Variants in AQR observed in about 807,000 individuals in gnomAD.
AQR encodes aquarius intron-binding spliceosomal factor.
Under a neutral mutation model 180.5 loss-of-function variants are expected in AQR, and 61 were observed. The ratio of observed to expected loss-of-function variants is 0.34; its 90% CI spans 0.28 to 0.42. The LOEUF is 0.42. AQR is among the 10% of genes least tolerant of loss of function. The probability of loss-of-function intolerance (pLI) is 1.00; values close to 1 mark genes in which losing one functional copy is unlikely to be tolerated. For synonymous variants in AQR, 551 were observed against 588.8 expected, an observed-to-expected ratio of 0.94 and a Z score of 0.93; for missense variants, 1,281 against 1,798.3, an observed-to-expected ratio of 0.71 and a Z score of 5.20.
rs762940184 is a variant in AQR, at chr15:34,932,390, A to G, written c.828T>C (p.Asp276=). 4 of 1,612,262 alleles carry G rather than the reference A, an allele frequency of 2.5e-6. No homozygotes were observed. In the Admixed American group the frequency reaches 6.7e-5, roughly 27 times the overall value. The change falls in exon 11 of 35, where the codon GAT becomes GAC. Residue 276 remains aspartate, a synonymous_variant. Coordinates refer to ENST00000156471, the MANE Select transcript of AQR (RefSeq NM_014691.3). ...TRRWFNTILD[D]SHLLVHCYLS... Reference sequence around the variant, plus strand: ...GGTAACAGTGAACCAGAAGGTGGGAATCATCCAGGATGGTATTAAACCAGC... The same window carrying G: ...GGTAACAGTGAACCAGAAGGTGGGAGTCATCCAGGATGGTATTAAACCAGC...
chr15:34,944,542 G>A (rs1894081109), intron 5 of AQR, 114 bp from the exon 6 acceptor site: 2 of 1,065,856 alleles, frequency 1.9e-6, no homozygotes, highest in South Asian at 4.0e-5. Flanking sequence ...TTACAAAAGG[G>A]TTATTTGTAT....
At position 34,886,616 on chromosome 15, in the gene AQR, T is replaced by C. The variant is rs1344516756; in HGVS notation, c.2727A>G (p.Leu909=). The change falls in exon 25 of 35, where the codon TTA becomes TTG. Residue 909 remains leucine, a synonymous_variant. Coordinates refer to ENST00000156471, the MANE Select transcript of AQR (RefSeq NM_014691.3). ...NYVLARRIEL[L]EEVKRLQKSL... ...TCTTTTGCAATCGTTTGACTTCTTC[T>C]AAAAGTTCTATTCTTCGAGCCAGAA... 4 of 1,613,900 alleles carry C rather than the reference T, an allele frequency of 2.5e-6. No individual in the cohort carries two copies. The highest frequency in any genetic ancestry group is 3.4e-6 in the Non-Finnish European group (4 of 1,179,990).
intron 13 of AQR, among the ~76,000 whole-genome samples, chr15:34,926,291 G>A (rs1450981408): frequency 2.0e-5 from 3 of 152,188 alleles, no homozygotes; most frequent in Non-Finnish European, 4.4e-5. Flanking sequence ...ATCCTCATAT[G>A]AGAATGAACA....
intron 32 of AQR, chr15:34,863,290 TA>T: frequency 2.9e-6 from 1 of 347,234 alleles, no homozygotes; most frequent in Non-Finnish European, 5.3e-6. Context: ...ATGCACTTAT[TA>T]AAAAGGTCTA....
intron 3 of AQR, among the ~76,000 whole-genome samples, chr15:34,956,050 A>C (rs1894310316): frequency 6.6e-6 from 1 of 152,172 alleles, no homozygotes; most frequent in East Asian, 1.9e-4. Context: ...AAAAAGAAAC[A>C]AGCAGAGAGC....
chr15:34,907,684 T>C (rs1392156407), intron 17 of AQR, among the ~76,000 whole-genome samples: 1 of 152,184 alleles, frequency 6.6e-6, no homozygotes, highest in East Asian at 1.9e-4. Context: ...TCCCAATAAA[T>C]TCTATGCAAA....
chr15:34,858,320 CAAAAAAAAA>C (rs57627687), intron 34 of AQR, among the ~76,000 whole-genome samples: 62 of 86,072 alleles, frequency 7.2e-4, no homozygotes, highest in African/African-American at 2.5e-3. Context: ...ACGACAGCAG[CAAAAAAAAA>C]AAAAAAAAAA....
At chr15:34,917,323 C>T (rs997688940) in intron 15 of AQR, among the ~76,000 whole-genome samples, 2 of 152,172 alleles carry the variant, frequency 1.3e-5, no homozygotes, top group Non-Finnish European at 2.9e-5. Context: ...ATTTCTTCTA[C>T]TAATGATGCC....
intron 15 of AQR, among the ~76,000 whole-genome samples, chr15:34,915,924 C>A (rs1209625283): frequency 6.7e-6 from 1 of 149,178 alleles, no homozygotes; most frequent in South Asian, 2.1e-4. Context: ...CCAGCCTGGG[C>A]AACAAGAGCA....
intron 27 of AQR, among the ~76,000 whole-genome samples, chr15:34,876,539 AC>A (rs1354141554): frequency 6.6e-6 from 1 of 151,992 alleles, no homozygotes; most frequent in Non-Finnish European, 1.5e-5. Context: ...CTTTATTTCT[AC>A]CAGCACTACC....
chr15:34,953,000 G>A lies in AQR; in HGVS notation c.174-80C>T, dbSNP rs1894256015. 4 of 816,286 alleles carry A rather than the reference G, an allele frequency of 4.9e-6. No individual in the cohort carries two copies. The South Asian group carries it at 7.0e-5, about 14-fold the overall frequency. The allele number at this position is 816,286 out of a possible 1,614,324, so 50.6% of individuals were successfully genotyped here. A position where few individuals can be genotyped will look rare whatever the true frequency, so the allele number is the denominator to read the frequency against. On this transcript the variant is annotated intron_variant, in intron 3 of 34. Transcript: ENST00000156471. ...AGTTATTAACACAAATGCATTTAGGGATGTTTTGTTTCCATATTAACCCAT... is the reference window on the plus strand; with the variant it reads ...AGTTATTAACACAAATGCATTTAGGAATGTTTTGTTTCCATATTAACCCAT...
chr15:34,918,358 T>C lies in AQR; in HGVS notation c.1242A>G (p.Arg414=), dbSNP rs1430253269. 6.2e-7 allele frequency: 1 copy of C among 1,613,872 alleles called. No homozygotes were observed. Among genetic ancestry groups the C allele is most frequent in the Admixed American group, 1.7e-5 (1 of 60,008 alleles). ...GGTTCAACTGCTGAATCTGAGAAAT[T>C]CGACGTTCATGACGAGATACCTAAA... ...LELLVSRHER[R]ISQIQQLNQM... Residue 414 remains arginine, a synonymous_variant, in exon 15 of 35, where the codon CGA becomes CGG. Transcript: ENST00000156471.
Position 34,856,638 on chromosome 15 carries a change from A to G in AQR, c.*154T>C. On this transcript the variant is annotated 3_prime_UTR_variant, in exon 35 of 35. Transcript: ENST00000156471. ...AATTGTTCATACACATAATTTAAAA[A>G]AATATATTCAAGACACCGAAATCAG... The G allele has an allele frequency of 1.7e-6, 1 of 587,210 alleles. No homozygotes were observed. The highest frequency in any genetic ancestry group is 4.7e-5 in the South Asian group (1 of 21,492). The allele number at this position is 587,210 out of a possible 1,614,324, so 36.4% of individuals were successfully genotyped here. A position where few individuals can be genotyped will look rare whatever the true frequency, so the allele number is the denominator to read the frequency against.
At chr15:34,911,836 T>G (rs918638674) in intron 16 of AQR, among the ~76,000 whole-genome samples, 2 of 152,196 alleles carry the variant, frequency 1.3e-5, no homozygotes, top group African/African-American at 4.8e-5. Flanking sequence ...TTCTCCATGC[T>G]TTTGGTATCA....
Position 34,947,303 on chromosome 15 carries a change from T to C in AQR, c.330+961A>G, listed in dbSNP as rs867272048. Reference sequence around the variant, plus strand: ...AAGATGTGCTTTGTTAAACAGATGCTTGAAGGCAGCATGCTCGTTAAGAGT... The same window carrying C: ...AAGATGTGCTTTGTTAAACAGATGCCTGAAGGCAGCATGCTCGTTAAGAGT... On this transcript the variant is annotated intron_variant, in intron 5 of 34. Coordinates refer to ENST00000156471, the MANE Select transcript of AQR (RefSeq NM_014691.3). 3.6e-3 allele frequency among the ~76,000 whole-genome samples: 542 copies of C among 151,468 alleles called. 1 individual carries two copies. Among genetic ancestry groups the C allele is most frequent in the African/African-American group, 9.3e-3 (385 of 41,242 alleles).
intron 10 of AQR, among the ~76,000 whole-genome samples, chr15:34,932,924 C>G (rs548950541): frequency 1.3e-5 from 2 of 151,928 alleles, no homozygotes; most frequent in African/African-American, 4.8e-5. Flanking sequence ...CCACTGCACT[C>G]AAGCCTGGAT....
Position 34,886,513 on chromosome 15 carries a change from C to G in AQR, c.2817+13G>C, listed in dbSNP as rs2140469288. ...TATGATGAAGTATGATTCAAAAACC[C>G]TTAATATCTTACCTGGTATAAGAAG... On this transcript the variant is annotated intron_variant, in intron 25 of 34. Coordinates refer to ENST00000156471, the MANE Select transcript of AQR (RefSeq NM_014691.3). 1 of 1,595,374 alleles carries G rather than the reference C, an allele frequency of 6.3e-7. No homozygotes were observed. Among genetic ancestry groups the G allele is most frequent in the Admixed American group, 1.8e-5 (1 of 54,278 alleles).
Position 34,870,742 on chromosome 15 carries a change from A to G in AQR, c.3768+10T>C. 1 of 1,605,518 alleles carries G rather than the reference A, an allele frequency of 6.2e-7. No homozygotes were observed. The highest frequency in any genetic ancestry group is 8.5e-7 in the Non-Finnish European group (1 of 1,176,228). On this transcript the variant is annotated intron_variant, in intron 31 of 34. Coordinates refer to ENST00000156471, the MANE Select transcript of AQR (RefSeq NM_014691.3). The stretch of plus-strand genomic sequence containing the variant: ...ATGAATAAGAGAACATATTATAATT[A>G]TAAAAGTACCTTGTTTGGTCTTCCA...
chr15:34,857,112 TAA>T lies in AQR; in HGVS notation c.4144-8_4144-7del, dbSNP rs371217912. 4.2e-5 allele frequency: 51 copies of T among 1,219,520 alleles called. No homozygotes were observed. Among genetic ancestry groups the T allele is most frequent in the Middle Eastern group, 2.1e-4 (1 of 4,778 alleles). 75.5% of individuals were successfully genotyped at this position (1,219,520 alleles called of 1,614,324 possible). ...GGTGGTAGTTGTAATAAAGTCTAATTAAAAAAAAAAAAACAAAGACAATACCA... is the reference window on the plus strand; with the variant it reads ...GGTGGTAGTTGTAATAAAGTCTAATTAAAAAAAAAAACAAAGACAATACCA... On this transcript the variant is annotated splice_region_variant and splice_polypyrimidine_tract_variant and intron_variant, in intron 34 of 34. Transcript: ENST00000156471.
Sources: gnomAD v4.1 joint callset for allele counts (sites outside exome capture counted in the v4.1 genomes callset) on GRCh38, gnomAD v4.1.1 for gene constraint, MANE v1.5 for transcripts, NCBI Gene and HGNC (gene_info 2026-07-23, HGNC 2026-07-21) for gene names.